Variants in UGT1A4 observed in about 807,000 individuals in gnomAD.
The protein encoded by UGT1A4 is UDP-glucuronosyltransferase 1A4.
A neutral mutation model predicts 41.1 loss-of-function variants in UGT1A4; 32 were observed. That is an observed-to-expected ratio of 0.78 (90% CI 0.59 to 1.05). UGT1A4 has a LOEUF of 1.05. Among genes scored for constraint, UGT1A4 ranks in the 50% least tolerant of loss-of-function variants. The probability of loss-of-function intolerance (pLI) is 0.00; values close to 1 mark genes in which losing one functional copy is unlikely to be tolerated. For synonymous variants in UGT1A4, 283 were observed against 265.1 expected (o/e 1.07, Z -0.66); for missense variants, 748 against 677.4 (o/e 1.10, Z -1.16).
intron 1 of UGT1A4, among the ~76,000 whole-genome samples, chr2:233,745,008 AATGTAAATGCT>A (rs1243749653): frequency 6.6e-6 from 1 of 151,846 alleles, no homozygotes; most frequent in Non-Finnish European, 1.5e-5. Flanking sequence ...TTACCTAATA[AATGTAAATGCT>A]ATGTAAATAG....
intron 1 of UGT1A4, chr2:233,754,897 C>A: frequency 3.0e-6 from 4 of 1,351,174 alleles, no homozygotes; most frequent in South Asian, 1.1e-5. Flanking sequence ...TTCCTCTGAC[C>A]CCCCAAAATA....
rs1239122112 is a variant in UGT1A4 at position 233,719,342 on chromosome 2, G to T, written c.522G>T (p.Arg174Ser). The change falls in exon 1 of 5, where the codon AGG becomes AGT. Residue 174 changes from arginine to serine, a missense_variant. Arg to Ser is a moderately radical substitution (Grantham distance 110). Coordinates refer to ENST00000373409, the MANE Select transcript of UGT1A4 (RefSeq NM_007120.3). ...YLSIPAVFFW[R>S]YIPCDLDFKG... ...CGATTCCTGCTGTGTTTTTTTGGAG[G>T]TACATTCCATGTGACTTAGACTTTA... The T allele has an allele frequency of 6.2e-7, 1 of 1,613,870 alleles. No individual in the cohort carries two copies.
intron 1 of UGT1A4, chr2:233,744,028 CT>C: frequency 1.1e-6 from 1 of 877,624 alleles, no homozygotes; most frequent in African/African-American, 1.8e-5. Flanking sequence ...AGAGACGCCC[CT>C]TATGACGCAG....
At chr2:233,731,882 C>A (rs2078215677) in intron 1 of UGT1A4, among the ~76,000 whole-genome samples, 2 of 152,208 alleles carry the variant, frequency 1.3e-5, no homozygotes, top group Admixed American at 6.5e-5. Context: ...AATGGTTGAA[C>A]TAATTTACAC....
At chr2:233,748,424 C>G (rs1693941657) in intron 1 of UGT1A4, among the ~76,000 whole-genome samples, 1 of 151,772 alleles carries the variant, frequency 6.6e-6, no homozygotes, top group Non-Finnish European at 1.5e-5. Flanking sequence ...CTTGACCCAT[C>G]TGGATTTTTT....
chr2:233,759,959 G>A (rs149939396), intron 1 of UGT1A4, among the ~76,000 whole-genome samples: 41 of 152,230 alleles, frequency 2.7e-4, no homozygotes, highest in African/African-American at 8.9e-4. Context: ...CTACATAGTC[G>A]TCCTTCTTCC....
intron 1 of UGT1A4, chr2:233,754,939 A>G: frequency 7.5e-7 from 1 of 1,337,054 alleles, no homozygotes; most frequent in Non-Finnish European, 1.0e-6. Context: ...AGGTCAAAGG[A>G]GAATGGGTCC....
chr2:233,734,619 T>A (rs1463316378), intron 1 of UGT1A4, among the ~76,000 whole-genome samples: 1 of 152,238 alleles, frequency 6.6e-6, no homozygotes, highest in African/African-American at 2.4e-5. Flanking sequence ...GTGTTGATTT[T>A]AGATCTTTCC....
In UGT1A4 at chr2:233,722,423, G is replaced by C. The variant is rs1325775698; in HGVS notation, c.867+2736G>C. ...TCCTTGATTTAAAGTTTATGGATAG[G>C]TTGAATTATTTGATTGGTCTTCTCA... On this transcript the variant is annotated intron_variant, in intron 1 of 4. Transcript: ENST00000373409. Among the ~76,000 whole-genome samples, 3 of 152,154 alleles carry C rather than the reference G, an allele frequency of 2.0e-5. No homozygotes were observed. The East Asian group carries it at 5.8e-4, about 29-fold the overall frequency.
rs61740163 is a variant in UGT1A4 at position 233,729,805 on chromosome 2, T to G, written c.867+10118T>G. ...GGCCCTGTCCTACATTTGCCATGCT[T>G]TTTCTGCTCCTTATGCAAGCCTTGC... On this transcript the variant is annotated intron_variant, in intron 1 of 4. Coordinates refer to ENST00000373409, the MANE Select transcript of UGT1A4 (RefSeq NM_007120.3). 2.8e-4 allele frequency: 444 copies of G among 1,610,698 alleles called. 1 individual carries two copies. The African/African-American group carries it at 4.6e-3, about 17-fold the overall frequency.
At chr2:233,748,018 T>C in intron 1 of UGT1A4, 1 of 1,613,548 alleles carries the variant, frequency 6.2e-7, no homozygotes, top group East Asian at 2.2e-5. Context: ...CCCAGGCCGA[T>C]CATGCCCAAC....
rs923057819 is a variant in UGT1A4 at position 233,747,207 on chromosome 2, T to G, written c.868-19827T>G. ...TGGACAGTCAGCTGTCCGTGTCTTC[T>G]GCTGAGATGGCCACAGGACCCCAGG... On this transcript the variant is annotated intron_variant, in intron 1 of 4. Transcript: ENST00000373409. The G allele has an allele frequency of 3.1e-6, 5 of 1,605,116 alleles. No individual in the cohort carries two copies. In the African/African-American group the frequency reaches 4.0e-5, roughly 13 times the overall value.
At chr2:233,724,847 C>A (rs1352664169) in intron 1 of UGT1A4, among the ~76,000 whole-genome samples, 1 of 131,490 alleles carries the variant, frequency 7.6e-6, no homozygotes, top group African/African-American at 3.2e-5. Context: ...CCAAGGCAGG[C>A]GGCTGGGAGG....
At chr2:233,728,451 C>T (rs754577531) in intron 1 of UGT1A4, among the ~76,000 whole-genome samples, 1 of 152,174 alleles carries the variant, frequency 6.6e-6, no homozygotes, top group Non-Finnish European at 1.5e-5. Context: ...GGAGAATCCT[C>T]AACAAAGTCT....
At chr2:233,719,829 G>A (rs899051575) in intron 1 of UGT1A4, 142 bp downstream of exon 1, 67 of 1,549,978 alleles carry the variant, frequency 4.3e-5, no homozygotes, top group Admixed American at 9.6e-5. Flanking sequence ...ACTGTTGAGG[G>A]GCCTAGTGTA....
At chr2:233,747,120 A>T in intron 1 of UGT1A4, 1 of 1,469,012 alleles carries the variant, frequency 6.8e-7, no homozygotes, top group Non-Finnish European at 9.2e-7. Context: ...ATGATTTGCT[A>T]AGTGGCTCAG....
At chr2:233,757,297 T>G (rs1200339866) in intron 1 of UGT1A4, among the ~76,000 whole-genome samples, 15 of 102,166 alleles carry the variant, frequency 1.5e-4, no homozygotes, top group South Asian at 3.6e-4. Context: ...CAGCTGGGGG[T>G]TGGGGGACAG....
At chr2:233,755,290 G>C in intron 1 of UGT1A4, 1 of 652,954 alleles carries the variant, frequency 1.5e-6, no homozygotes, top group Admixed American at 2.9e-5. Context: ...CAAAGAGCCT[G>C]CGGGGCACTG....
intron 1 of UGT1A4, chr2:233,747,317 C>G (rs1693621647): frequency 6.2e-7 from 1 of 1,603,094 alleles, no homozygotes; most frequent in African/African-American, 1.3e-5. Context: ...CTGGTGGTAC[C>G]CATTGATGGC....
Sources: gnomAD v4.1 joint callset for allele counts (sites outside exome capture counted in the v4.1 genomes callset) on GRCh38, gnomAD v4.1.1 for gene constraint, MANE v1.5 for transcripts, NCBI Gene and HGNC (gene_info 2026-07-23, HGNC 2026-07-21) for gene names.